Variants in ACP7 observed in about 807,000 individuals in gnomAD.
The protein encoded by ACP7 is acid phosphatase type 7.
A neutral mutation model predicts 60.6 loss-of-function variants in ACP7; 58 were observed. The ratio of observed to expected loss-of-function variants is 0.96; its 90% CI spans 0.77 to 1.19. ACP7 has a LOEUF of 1.19. Ranked by LOEUF, ACP7 falls within the 50% of genes most tolerant of loss-of-function variation. The pLI is 0.00. For missense variants in ACP7, 574 were observed against 596.2 expected (o/e 0.96, Z 0.39); for synonymous variants, 237 against 232.6 (o/e 1.02, Z -0.17).
intron 2 of ACP7, among the ~76,000 whole-genome samples, chr19:39,096,793 T>TTTTC (rs1050899753): frequency 2.0e-5 from 3 of 152,106 alleles, no homozygotes; most frequent in Non-Finnish European, 2.9e-5. Flanking sequence ...GCCATTTCTT[T>TTTTC]TTTCTTTCTT....
At chr19:39,099,223 G>C in intron 4 of ACP7, 81 bp downstream of exon 4, 2 of 1,352,076 alleles carry the variant, frequency 1.5e-6, no homozygotes, top group Non-Finnish European at 1.9e-6. Flanking sequence ...TCGGGGGCGC[G>C]CGGGTCGGGG....
rs968403508 is a variant in ACP7, at chr19:39,096,125, G to A, written c.122-2333G>A. ...CTTGGGGATGAACGTTCATCTCCTCGTTACTTATGCAAATATCTGCAGCCA... is the reference window on the plus strand; with the variant it reads ...CTTGGGGATGAACGTTCATCTCCTCATTACTTATGCAAATATCTGCAGCCA... On this transcript the variant is annotated intron_variant, in intron 2 of 12. Transcript: ENST00000331256. Among the ~76,000 whole-genome samples, 13 of 152,278 alleles carry A rather than the reference G, an allele frequency of 8.5e-5. No individual in the cohort carries two copies. The South Asian group carries it at 1.9e-3, about 22-fold the overall frequency.
chr19:39,099,205 C>T, intron 4 of ACP7, 63 bp downstream of exon 4: 1 of 1,395,124 alleles, frequency 7.2e-7, no homozygotes, highest in Non-Finnish European at 9.2e-7. Context: ...TGGTGGGGGG[C>T]GCGCGGGTCG....
chr19:39,086,692 A>G (rs1208845615), intron 2 of ACP7, among the ~76,000 whole-genome samples: 1 of 151,334 alleles, frequency 6.6e-6, no homozygotes, highest in African/African-American at 2.4e-5. Flanking sequence ...AGCAATTTCC[A>G]TACACTTTAA....
chr19:39,101,150 G>T lies in ACP7; in HGVS notation c.916G>T (p.Val306Phe). The T allele has an allele frequency of 6.2e-7, 1 of 1,614,050 alleles. No individual in the cohort carries two copies. Among genetic ancestry groups the T allele is most frequent in the Non-Finnish European group, 8.5e-7 (1 of 1,180,032 alleles). ...LDDCTRHESK[V>F]RKGLQGKLYG... ...TCACCCGCTCATTCACCCTGCCCAG[G>T]TCCGCAAAGGCCTCCAAGGCAAGCT... is the stretch of plus-strand genomic sequence containing the variant. Residue 306 changes from valine to phenylalanine, a missense_variant and splice_region_variant, in exon 9 of 13, where the codon GTC (valine) becomes TTC (phenylalanine). Val to Phe is a conservative substitution (Grantham distance 50). Transcript: ENST00000331256.
Position 39,101,340 on chromosome 19 carries a change from A to T in ACP7, c.1026A>T (p.Pro342=). 6.2e-7 allele frequency: 1 copy of T among 1,614,128 alleles called. No individual in the cohort carries two copies. Among genetic ancestry groups the T allele is most frequent in the Non-Finnish European group, 8.5e-7 (1 of 1,180,042 alleles). The change falls in exon 10 of 13, where the codon CCA becomes CCT. Residue 342 remains proline (P), a synonymous_variant. Coordinates refer to ENST00000331256, the MANE Select transcript of ACP7 (RefSeq NM_001004318.3). ...AHEHSYERLW[P]IYNYQVFNGS... ...AGCACTCGTATGAACGACTGTGGCC[A>T]ATTTACAACTACCAGGTGAGGCACG...
chr19:39,086,686 A>G (rs1184744035), intron 2 of ACP7, among the ~76,000 whole-genome samples: 2 of 151,536 alleles, frequency 1.3e-5, no homozygotes, highest in Non-Finnish European at 2.9e-5. Context: ...TGTAGCAGCA[A>G]TTTCCATACA....
Position 39,092,370 on chromosome 19 carries a change from GTATATATATA to G in ACP7, c.122-6073_122-6064del, listed in dbSNP as rs59033785. On this transcript the variant is annotated intron_variant, in intron 2 of 12. Transcript: ENST00000331256. Reference sequence around the variant, plus strand: ...GCCTTGGCAACAAGTGCGAAACTCTGTATATATATATATATATATATATAGCAGTTGCAGA... The same window carrying G: ...GCCTTGGCAACAAGTGCGAAACTCTGTATATATATATATAGCAGTTGCAGA... 1.0e-3 allele frequency among the ~76,000 whole-genome samples: 152 copies of G among 149,240 alleles called. 1 individual carries two copies. The highest frequency in any genetic ancestry group is 3.3e-3 in the African/African-American group (135 of 40,844).
chr19:39,102,486 G>A (rs193171791), intron 11 of ACP7, among the ~76,000 whole-genome samples: 105 of 151,416 alleles, frequency 6.9e-4, no homozygotes, highest in African/African-American at 2.3e-3. Flanking sequence ...AGAGATTTCC[G>A]GCTAATTTTT....
intron 2 of ACP7, among the ~76,000 whole-genome samples, chr19:39,089,603 C>T (rs922381672): frequency 3.3e-5 from 5 of 152,120 alleles, no homozygotes; most frequent in South Asian, 4.1e-4. Flanking sequence ...TTCCAGAATC[C>T]GATCCAGGAT....
At chr19:39,094,776 ATGCTG>A (rs1203449884) in intron 2 of ACP7, among the ~76,000 whole-genome samples, 6 of 152,150 alleles carry the variant, frequency 3.9e-5, no homozygotes, top group African/African-American at 1.4e-4. Context: ...ATTAGTTTTG[ATGCTG>A]TTGATAAAGA....
chr19:39,110,417 G>A lies in ACP7; in HGVS notation c.*299G>A, dbSNP rs906392883. ...CTCTGATCGGGCGAGGTGCCCACGG[G>A]GCTTCAGGAATGAAGAGGCTTAAGC... is the stretch of plus-strand genomic sequence containing the variant. On this transcript the variant is annotated 3_prime_UTR_variant, in exon 13 of 13. Transcript: ENST00000331256. 2.9e-6 allele frequency: 1 copy of A among 348,522 alleles called. No homozygotes were observed. The highest frequency in any genetic ancestry group is 5.3e-6 in the Non-Finnish European group (1 of 189,806). 21.6% of individuals were successfully genotyped at this position (348,522 alleles called of 1,614,324 possible).
chr19:39,107,085 G>C lies in ACP7; in HGVS notation c.1251+1G>C, dbSNP rs2073419480. The stretch of plus-strand genomic sequence containing the variant: ...CATCCAGCAGGTGTCGGACGACCAG[G>C]TCAGTGAGGGGCAGGCCGAAGTCAC... On this transcript the variant is annotated splice_donor_variant, in intron 12 of 12. Coordinates refer to ENST00000331256, the MANE Select transcript of ACP7 (RefSeq NM_001004318.3). LOFTEE classifies it high-confidence loss of function. The C allele has an allele frequency of 1.2e-6, 2 of 1,613,744 alleles. No homozygotes were observed. The highest frequency in any genetic ancestry group is 8.5e-7 in the Non-Finnish European group (1 of 1,179,846).
intron 3 of ACP7, 83 bp downstream of exon 3, chr19:39,098,741 G>A (rs2073301653): frequency 6.9e-7 from 1 of 1,449,812 alleles, no homozygotes; most frequent in Admixed American, 2.2e-5. Context: ...CTGGCCGGTG[G>A]CTCAGGCTGG....
intron 2 of ACP7, among the ~76,000 whole-genome samples, chr19:39,090,300 C>T (rs1187452565): frequency 6.6e-6 from 1 of 151,724 alleles, no homozygotes; most frequent in Non-Finnish European, 1.5e-5. Flanking sequence ...TCCTGAGTAG[C>T]GGGGATTACA....
At position 39,100,832 on chromosome 19, in the gene ACP7, C is replaced by T; in HGVS notation, c.786C>T (p.Arg262=). The part of the protein sequence containing the change: ...YGRHLVQRQF[R]WLESDLQKAN... ...GCCACTTGGTACAGAGGCAGTTTCG[C>T]TGGCTGGAGAGCGACCTCCAGGTAA... Residue 262 remains arginine, a synonymous_variant, in exon 7 of 13, where the codon CGC becomes CGT. Transcript: ENST00000331256. 1 of 1,613,890 alleles carries T rather than the reference C, an allele frequency of 6.2e-7. No homozygotes were observed. Among genetic ancestry groups the T allele is most frequent in the South Asian group, 1.1e-5 (1 of 91,086 alleles).
rs1001320706 is a variant in ACP7 at position 39,100,721 on chromosome 19, G to A, written c.693-18G>A. On this transcript the variant is annotated intron_variant, in intron 6 of 12. Transcript: ENST00000331256. Reference sequence around the variant, plus strand: ...AGGGGAGCCCTGGTCCCTGACCCCTGCCCTTTGACTCCTCCAGCTGGGATC... The same window carrying A: ...AGGGGAGCCCTGGTCCCTGACCCCTACCCTTTGACTCCTCCAGCTGGGATC... 40 of 1,613,288 alleles carry A rather than the reference G, an allele frequency of 2.5e-5. No individual in the cohort carries two copies. The highest frequency in any genetic ancestry group is 3.4e-5 in the Non-Finnish European group (40 of 1,179,488).
At chr19:39,102,488 C>T (rs1028649601) in intron 11 of ACP7, among the ~76,000 whole-genome samples, 2 of 151,466 alleles carry the variant, frequency 1.3e-5, no homozygotes, top group Admixed American at 6.6e-5. Flanking sequence ...AGATTTCCGG[C>T]TAATTTTTGT....
intron 5 of ACP7, 58 bp from the exon 6 acceptor site, chr19:39,100,522 G>C (rs1268430850): frequency 6.2e-7 from 1 of 1,605,248 alleles, no homozygotes; most frequent in Non-Finnish European, 8.5e-7. Flanking sequence ...CGGGGTATAG[G>C]AGTAGGGCTA....
Sources: gnomAD v4.1 joint callset for allele counts (sites outside exome capture counted in the v4.1 genomes callset) on GRCh38, gnomAD v4.1.1 for gene constraint, MANE v1.5 for transcripts, NCBI Gene and HGNC (gene_info 2026-07-23, HGNC 2026-07-21) for gene names.